CPNE4: variants seen among roughly 807,000 people sequenced by gnomAD.
The protein encoded by CPNE4 is copine-4.
In CPNE4, 25 loss-of-function variants were observed where a neutral mutation model predicts 67.9. The observed-to-expected ratio is 0.37, with a 90% CI of 0.27 to 0.51. The LOEUF (loss-of-function observed/expected upper bound fraction) is 0.51, where lower values mean the gene tolerates loss of function less well. Among genes scored for constraint, CPNE4 ranks in the 20% least tolerant of loss-of-function variants. The pLI, the probability that CPNE4 is intolerant of heterozygous loss-of-function variation, is 0.93. For missense variants in CPNE4, 464 were observed against 690.8 expected, an observed-to-expected ratio of 0.67 and a Z score of 3.68; for synonymous variants, 242 against 244.9, an observed-to-expected ratio of 0.99 and a Z score of 0.11.
At chr3:131,906,875 T>C (rs2088790339) in intron 1 of CPNE4, among the ~76,000 whole-genome samples, 1 of 151,760 alleles carries the variant, frequency 6.6e-6, no homozygotes, top group South Asian at 2.1e-4. Context: ...ACCAACAGTG[T>C]AAAAGTGTTC....
In CPNE4 at chr3:131,824,393, G is replaced by A. The variant is rs756795935; in HGVS notation, c.180+80871C>T. 6.4e-4 allele frequency among the ~76,000 whole-genome samples: 98 copies of A among 152,264 alleles called. 1 individual carries two copies. Among genetic ancestry groups the A allele is most frequent in the Admixed American group, 1.4e-3 (22 of 15,288 alleles). On this transcript the variant is annotated intron_variant, in intron 2 of 15. Transcript: ENST00000429747. ...ACTATCCATGCCCAGCTTACCAGGG[G>A]ACTCGAGTATATAATCAAGACGGAA...
intron 1 of CPNE4, among the ~76,000 whole-genome samples, chr3:131,995,852 A>G (rs1398623632): frequency 1.3e-5 from 2 of 152,170 alleles, no homozygotes; most frequent in Non-Finnish European, 2.9e-5. Context: ...TTTCTAACAA[A>G]TGAATTGCCA....
At chr3:131,939,268 G>A (rs2071316361) in intron 1 of CPNE4, among the ~76,000 whole-genome samples, 1 of 152,054 alleles carries the variant, frequency 6.6e-6, no homozygotes, top group South Asian at 2.1e-4. Context: ...CAATGCAGCT[G>A]TCAACAACAA....
intron 7 of CPNE4, among the ~76,000 whole-genome samples, chr3:131,655,497 G>C (rs1196231455): frequency 6.6e-6 from 1 of 152,228 alleles, no homozygotes; most frequent in African/African-American, 2.4e-5. Context: ...AGATGAGCTA[G>C]AGGTAATGCT....
chr3:131,607,164 A>C (rs1222365562), intron 7 of CPNE4, among the ~76,000 whole-genome samples: 3 of 151,548 alleles, frequency 2.0e-5, no homozygotes. Context: ...TGGGAGATAA[A>C]ATGACTTGGT....
intron 2 of CPNE4, among the ~76,000 whole-genome samples, chr3:131,743,687 A>T (rs1414824645): frequency 6.6e-6 from 1 of 152,190 alleles, no homozygotes; most frequent in African/African-American, 2.4e-5. Context: ...GTTGCTAAAA[A>T]CAATACTGTA....
chr3:131,767,549 T>C (rs967496868), intron 2 of CPNE4, among the ~76,000 whole-genome samples: 4 of 152,044 alleles, frequency 2.6e-5, no homozygotes, highest in Non-Finnish European at 4.4e-5. Context: ...GGGGAAATAA[T>C]GACCCCTTTT....
chr3:131,716,257 T>A (rs2081683675), intron 3 of CPNE4, among the ~76,000 whole-genome samples: 1 of 130,004 alleles, frequency 7.7e-6, no homozygotes, highest in Non-Finnish European at 1.7e-5. Context: ...AGGCAGACTC[T>A]GAATGTGTGA....
At chr3:131,717,290 A>G (rs74462401) in intron 3 of CPNE4, among the ~76,000 whole-genome samples, 9,590 of 151,972 alleles carry the variant, frequency 0.063, 480 homozygotes, top group Non-Finnish European at 0.082. Flanking sequence ...TTTATCTGAA[A>G]GTGGAAAGAG....
At position 131,830,920 on chromosome 3, in the gene CPNE4, C is replaced by G. The variant is rs530531723; in HGVS notation, c.180+74344G>C. Among the ~76,000 whole-genome samples, 7 of 152,046 alleles carry G rather than the reference C, an allele frequency of 4.6e-5. No homozygotes were observed. In the South Asian group the frequency reaches 1.0e-3, roughly 23 times the overall value. ...TAAAAAGGTACAAGGTACAAAGATA[C>G]AAGGAAAGTCTTCCCTGAGGTTAAC... On this transcript the variant is annotated intron_variant, in intron 2 of 15. Coordinates refer to ENST00000429747, the MANE Select transcript of CPNE4 (RefSeq NM_130808.3).
At chr3:131,587,366 C>G (rs1283354716) in intron 8 of CPNE4, 118 bp downstream of exon 8, 2 of 701,492 alleles carry the variant, frequency 2.9e-6, no homozygotes, top group Non-Finnish European at 5.2e-6. Flanking sequence ...ACCATGCTCC[C>G]TTCTTATCAC....
chr3:131,577,313 A>G (rs56153298), intron 9 of CPNE4, among the ~76,000 whole-genome samples: 10,973 of 152,196 alleles, frequency 0.072, 675 homozygotes, highest in African/African-American at 0.17. Context: ...ACACGTATAC[A>G]TATATACAAT....
At chr3:131,747,542 T>TAA (rs36086977) in intron 2 of CPNE4, among the ~76,000 whole-genome samples, 60 of 150,520 alleles carry the variant, frequency 4.0e-4, no homozygotes, top group Non-Finnish European at 7.7e-4. Context: ...GGTTTCCACT[T>TAA]AAAAAAAAAA....
At chr3:131,957,202 A>C (rs1304285569) in intron 1 of CPNE4, among the ~76,000 whole-genome samples, 1 of 152,246 alleles carries the variant, frequency 6.6e-6, no homozygotes, top group Non-Finnish European at 1.5e-5. Flanking sequence ...GTCAGAATAC[A>C]TCTAGGGCAT....
At chr3:131,563,566 A>G (rs1313894769) in intron 11 of CPNE4, among the ~76,000 whole-genome samples, 2 of 152,084 alleles carry the variant, frequency 1.3e-5, no homozygotes, top group Admixed American at 6.6e-5. Flanking sequence ...TTTTCTATAT[A>G]CATACATGCA....
At chr3:131,631,144 C>A (rs1356088809) in intron 7 of CPNE4, among the ~76,000 whole-genome samples, 3 of 152,134 alleles carry the variant, frequency 2.0e-5, no homozygotes, top group East Asian at 1.9e-4. Context: ...AATATGGCTA[C>A]CCTTGACCTT....
At chr3:131,748,074 T>C (rs2082535905) in intron 2 of CPNE4, among the ~76,000 whole-genome samples, 3 of 152,106 alleles carry the variant, frequency 2.0e-5, no homozygotes, top group Admixed American at 1.3e-4. Context: ...TTAAATTTTC[T>C]CAAATGCTTT....
intron 2 of CPNE4, among the ~76,000 whole-genome samples, chr3:131,789,886 C>T (rs1289469510): frequency 1.3e-5 from 2 of 152,174 alleles, no homozygotes; most frequent in East Asian, 1.9e-4. Context: ...AGGAGCCCTA[C>T]ATCTAGCCCA....
At chr3:131,885,108 T>C (rs933574611) in intron 2 of CPNE4, among the ~76,000 whole-genome samples, 2 of 152,216 alleles carry the variant, frequency 1.3e-5, no homozygotes, top group African/African-American at 4.8e-5. Flanking sequence ...TAGAACTTTC[T>C]AGAGACTTGT....
Sources: allele counts gnomAD v4.1 joint callset (sites outside exome capture counted in the v4.1 genomes callset), GRCh38; gene constraint gnomAD v4.1.1; transcripts MANE v1.5; gene names NCBI Gene and HGNC (gene_info 2026-07-23, HGNC 2026-07-21).